FSTL5: variants seen among roughly 807,000 people sequenced by gnomAD.
The protein encoded by FSTL5 is follistatin-related protein 5.
Under a neutral mutation model 89.1 loss-of-function variants are expected in FSTL5, and 62 were observed. The observed-to-expected ratio is 0.70, with a 90% confidence interval of 0.57 to 0.86. The LOEUF (loss-of-function observed/expected upper bound fraction) is 0.86. Ranked by LOEUF, FSTL5 falls within the 40% of genes least tolerant of loss-of-function variation. The pLI is 0.00. For missense variants in FSTL5, 1,057 were observed against 1,001.6 expected (o/e 1.06, Z -0.75); for synonymous variants, 383 against 346.2 (o/e 1.11, Z -1.18).
intron 4 of FSTL5, among the ~76,000 whole-genome samples, chr4:161,872,695 A>G (rs1172547416): frequency 6.6e-6 from 1 of 152,168 alleles, no homozygotes; most frequent in Non-Finnish European, 1.5e-5. Context: ...GTGAGCGATA[A>G]AGGGCTGAGA....
chr4:162,110,568 T>C (rs1731396986), intron 2 of FSTL5, among the ~76,000 whole-genome samples: 1 of 151,864 alleles, frequency 6.6e-6, no homozygotes, highest in Non-Finnish European at 1.5e-5. Context: ...TTTGATGTTT[T>C]TCCTACTTTC....
intron 3 of FSTL5, among the ~76,000 whole-genome samples, chr4:162,029,146 G>GGAGA (rs5863512): frequency 3.4e-4 from 47 of 139,268 alleles, no homozygotes; most frequent in Admixed American, 1.5e-3. Flanking sequence ...TGTACATGAG[G>GGAGA]GAGAGAGAGA....
intron 1 of FSTL5, among the ~76,000 whole-genome samples, chr4:162,140,150 G>A (rs1732670149): frequency 6.6e-6 from 1 of 151,848 alleles, no homozygotes; most frequent in Non-Finnish European, 1.5e-5. Flanking sequence ...AGTGAGAATA[G>A]GAAGCAACCA....
chr4:161,457,283 G>A (rs1733388194), intron 14 of FSTL5, among the ~76,000 whole-genome samples: 1 of 152,028 alleles, frequency 6.6e-6, no homozygotes, highest in Non-Finnish European at 1.5e-5. Flanking sequence ...CCTTTTTAAA[G>A]GATACTTCTC....
At chr4:161,734,563 CA>C (rs1443033513) in intron 6 of FSTL5, among the ~76,000 whole-genome samples, 1 of 152,160 alleles carries the variant, frequency 6.6e-6, no homozygotes, top group Non-Finnish European at 1.5e-5. Flanking sequence ...TCTGATTAGA[CA>C]GCTTAAGAAT....
chr4:161,856,928 G>A (rs1731738900), intron 4 of FSTL5, among the ~76,000 whole-genome samples: 1 of 151,984 alleles, frequency 6.6e-6, no homozygotes, highest in Admixed American at 6.6e-5. Flanking sequence ...CATGCTGAAG[G>A]GAAGAAAAAA....
At chr4:161,860,968 A>C (rs1006037406) in intron 4 of FSTL5, among the ~76,000 whole-genome samples, 1 of 152,162 alleles carries the variant, frequency 6.6e-6, no homozygotes, top group Admixed American at 6.6e-5. Context: ...TTTCACAAAA[A>C]GATAATACCT....
chr4:161,574,514 G>A (rs1733143680), intron 8 of FSTL5, among the ~76,000 whole-genome samples: 1 of 151,578 alleles, frequency 6.6e-6, no homozygotes, highest in Non-Finnish European at 1.5e-5. Context: ...CCCTCTCCTT[G>A]CCCCCAAGCC....
intron 13 of FSTL5, among the ~76,000 whole-genome samples, chr4:161,473,739 CT>C (rs928633926): frequency 6.6e-6 from 1 of 152,124 alleles, no homozygotes; most frequent in African/African-American, 2.4e-5. Flanking sequence ...GCCCTTGTGA[CT>C]TTTTAAGTCT....
At chr4:161,968,269 A>G (rs1007683128) in intron 3 of FSTL5, among the ~76,000 whole-genome samples, 1 of 152,074 alleles carries the variant, frequency 6.6e-6, no homozygotes, top group Non-Finnish European at 1.5e-5. Flanking sequence ...TAGAAAACAA[A>G]ATTGGTTGAA....
At chr4:161,623,235 T>C (rs1347092569) in intron 7 of FSTL5, among the ~76,000 whole-genome samples, 1 of 151,976 alleles carries the variant, frequency 6.6e-6, no homozygotes, top group East Asian at 1.9e-4. Context: ...TCCATTAACA[T>C]AACTTTCATT....
At chr4:162,016,152 T>A (rs922934801) in intron 3 of FSTL5, among the ~76,000 whole-genome samples, 2 of 152,134 alleles carry the variant, frequency 1.3e-5, no homozygotes, top group African/African-American at 4.8e-5. Context: ...GTGTCTGAAA[T>A]AAAGTATATT....
At chr4:162,007,031 C>A (rs1167565909) in intron 3 of FSTL5, among the ~76,000 whole-genome samples, 1 of 151,730 alleles carries the variant, frequency 6.6e-6, no homozygotes, top group Non-Finnish European at 1.5e-5. Context: ...TGGTTGGGCA[C>A]TAAGAGATTT....
intron 4 of FSTL5, among the ~76,000 whole-genome samples, chr4:161,779,759 TTATATATATATATATGTATA>T (rs1321676502): frequency 1.3e-4 from 4 of 31,172 alleles, no homozygotes; most frequent in East Asian, 9.1e-4. Flanking sequence ...ATTTGTAAAG[TTATATATATATATATGTATA>T]TATATATATA....
chr4:161,399,052 A>T (rs1169907403), intron 15 of FSTL5, among the ~76,000 whole-genome samples: 3 of 152,162 alleles, frequency 2.0e-5, no homozygotes, highest in Non-Finnish European at 4.4e-5. Context: ...ATAGCACAAT[A>T]CTGTATGAAT....
chr4:162,109,079 T>G (rs1443990635), intron 2 of FSTL5, among the ~76,000 whole-genome samples: 5 of 152,040 alleles, frequency 3.3e-5, no homozygotes, highest in Non-Finnish European at 2.9e-5. Context: ...AATCATTGTT[T>G]GGTAAGGTCT....
chr4:161,753,025 C>A (rs554997143), intron 6 of FSTL5, among the ~76,000 whole-genome samples: 1 of 152,210 alleles, frequency 6.6e-6, no homozygotes, highest in African/African-American at 2.4e-5. Flanking sequence ...ATTGTTGAAG[C>A]CACCTGTCTA....
chr4:161,529,766 G>A (rs17041177), intron 10 of FSTL5, among the ~76,000 whole-genome samples: 16,180 of 141,408 alleles, frequency 0.11, 3,878 homozygotes, highest in African/African-American at 0.37. Flanking sequence ...AATCCTACCC[G>A]GCTGTGATGT....
intron 8 of FSTL5, among the ~76,000 whole-genome samples, chr4:161,546,689 G>C (rs1162989206): frequency 6.6e-6 from 1 of 151,840 alleles, no homozygotes; most frequent in African/African-American, 2.4e-5. Context: ...AATCTAAAAA[G>C]TCTTATAACA....
Sources: gnomAD v4.1 joint callset for allele counts (sites outside exome capture counted in the v4.1 genomes callset) on GRCh38, gnomAD v4.1.1 for gene constraint, MANE v1.5 for transcripts, NCBI Gene and HGNC (gene_info 2026-07-23, HGNC 2026-07-21) for gene names.